FGF18: variants seen among roughly 807,000 people sequenced by gnomAD.
The protein encoded by FGF18 is fibroblast growth factor 18.
In FGF18, 5 loss-of-function variants were observed where a neutral mutation model predicts 23.0. That is an observed-to-expected ratio of 0.22 (90% CI 0.11 to 0.46). The LOEUF (loss-of-function observed/expected upper bound fraction) is 0.46. Ranked by LOEUF, FGF18 falls within the 20% of genes least tolerant of loss-of-function variation. FGF18 has a pLI of 0.99. For missense variants in FGF18, 180 were observed against 291.6 expected (o/e 0.62, Z 2.79); for synonymous variants, 117 against 118.9 (o/e 0.98, Z 0.10).
At chr5:171,445,381 T>A (rs945024801) in intron 3 of FGF18, among the ~76,000 whole-genome samples, 2 of 152,146 alleles carry the variant, frequency 1.3e-5, no homozygotes, top group African/African-American at 4.8e-5. Context: ...TGTTTTGAGA[T>A]GGAGTCTCAC....
At chr5:171,447,758 G>C (rs916567554) in intron 3 of FGF18, among the ~76,000 whole-genome samples, 6 of 152,154 alleles carry the variant, frequency 3.9e-5, no homozygotes, top group Admixed American at 2.6e-4. Flanking sequence ...GGGGCACTGA[G>C]GTATACTCTT....
chr5:171,443,572 C>T (rs1014902077), intron 3 of FGF18, among the ~76,000 whole-genome samples: 15 of 113,806 alleles, frequency 1.3e-4, no homozygotes, highest in South Asian at 1.2e-3. Context: ...AGGATGGTCT[C>T]GATTCCTGAT....
chr5:171,433,438 G>A (rs1167676567), intron 2 of FGF18, among the ~76,000 whole-genome samples: 1 of 152,164 alleles, frequency 6.6e-6, no homozygotes, highest in African/African-American at 2.4e-5. Context: ...CTTGGGGGAG[G>A]GGACAGGGCC....
At position 171,436,096 on chromosome 5, in the gene FGF18, C is replaced by A; in HGVS notation, c.73C>A (p.Leu25Met). 6.5e-7 allele frequency: 1 copy of A among 1,547,180 alleles called. No homozygotes were observed. The highest frequency in any genetic ancestry group is 8.8e-7 in the Non-Finnish European group (1 of 1,140,460). ...FLLLCFQVQV[L>M]VAEENVDFRI... ...CTGTGTCCTTTTCCCTGCCCAGGTG[C>A]TGGTTGCCGAGGAGAACGTGGACTT... The change falls in exon 3 of 5, where the codon CTG (leucine) becomes ATG (methionine). Residue 25 changes from leucine to methionine, a missense_variant. Around this residue, in one of 3 missense-constraint regions of FGF18, gnomAD observed 57 missense variants for 59.8 expected, o/e 0.95. Transcript: ENST00000274625. The surrounding 1 kb of genome is among the most constrained non-coding windows in gnomAD (Gnocchi z 4.4).
At chr5:171,443,329 C>T (rs1222426893) in intron 3 of FGF18, among the ~76,000 whole-genome samples, 2 of 152,030 alleles carry the variant, frequency 1.3e-5, no homozygotes, top group Non-Finnish European at 2.9e-5. Flanking sequence ...CAGGGTTTCA[C>T]CACGTCGGTC....
intron 3 of FGF18, among the ~76,000 whole-genome samples, chr5:171,439,883 CTGTT>C (rs987913394): frequency 1.3e-5 from 2 of 152,016 alleles, no homozygotes; most frequent in Middle Eastern, 3.2e-3. Flanking sequence ...AAAGATTTCT[CTGTT>C]TGAGAAAAAA....
chr5:171,441,095 G>T (rs557784016), intron 3 of FGF18, among the ~76,000 whole-genome samples: 1 of 152,176 alleles, frequency 6.6e-6, no homozygotes. Flanking sequence ...AGGAAGGTCG[G>T]GGCTTCAGGG....
intron 2 of FGF18, among the ~76,000 whole-genome samples, chr5:171,428,487 G>A (rs186482812): frequency 2.0e-5 from 3 of 152,334 alleles, no homozygotes; most frequent in Admixed American, 2.0e-4. Flanking sequence ...CGTAGACCTT[G>A]AAATAAGAGC....
intron 2 of FGF18, among the ~76,000 whole-genome samples, chr5:171,430,157 GAC>G (rs1458099966): frequency 1.3e-5 from 2 of 152,008 alleles, no homozygotes; most frequent in East Asian, 3.9e-4. Context: ...AGGAGTTCAA[GAC>G]CAGCCTGGCC....
intron 2 of FGF18, among the ~76,000 whole-genome samples, chr5:171,427,192 G>A (rs934013890): frequency 1.0e-4 from 15 of 149,370 alleles, no homozygotes; most frequent in East Asian, 3.9e-4. Flanking sequence ...GGGCAAGAGC[G>A]ACGCTCCATC....
In FGF18 at chr5:171,434,137, T is replaced by C. The variant is rs1772215461; in HGVS notation, c.70-1956T>C. On this transcript the variant is annotated intron_variant, in intron 2 of 4. Coordinates refer to ENST00000274625, the MANE Select transcript of FGF18 (RefSeq NM_003862.3). This position sits in a 1 kb window ranked among gnomAD's most constrained non-coding sequence, Gnocchi z 4.6. Reference sequence around the variant, plus strand: ...GGGCAGGCAGGGCCCCGCAAGGCAGTGGCCTGGGGCTGCCCGCAGGGGTGG... The same window carrying C: ...GGGCAGGCAGGGCCCCGCAAGGCAGCGGCCTGGGGCTGCCCGCAGGGGTGG... Among the ~76,000 whole-genome samples the C allele has an allele frequency of 6.6e-6, 1 of 152,158 alleles. No homozygotes were observed. Among genetic ancestry groups the C allele is most frequent in the African/African-American group, 2.4e-5 (1 of 41,448 alleles).
intron 2 of FGF18, among the ~76,000 whole-genome samples, chr5:171,430,097 G>A (rs1260094642): frequency 3.9e-5 from 6 of 152,172 alleles, no homozygotes; most frequent in Non-Finnish European, 7.3e-5. Context: ...GGTGGCTCAC[G>A]CCTGTAATCC....
At chr5:171,424,909 G>A (rs958491887) in intron 2 of FGF18, among the ~76,000 whole-genome samples, 1 of 152,214 alleles carries the variant, frequency 6.6e-6, no homozygotes, top group Admixed American at 6.5e-5. Context: ...AAGCTTGGGA[G>A]TGTCACCCGC....
In FGF18 at chr5:171,436,113, C is replaced by A; in HGVS notation, c.90C>A (p.Asn30Lys). 6.4e-7 allele frequency: 1 copy of A among 1,564,764 alleles called. No individual in the cohort carries two copies. Among genetic ancestry groups the A allele is most frequent in the Non-Finnish European group, 8.7e-7 (1 of 1,149,868 alleles). ...CCCAGGTGCTGGTTGCCGAGGAGAA[C>A]GTGGACTTCCGCATCCACGTGGAGA... ...FQVQVLVAEE[N>K]VDFRIHVENQ... The change falls in exon 3 of 5, where the codon AAC becomes AAA. Residue 30 changes from asparagine (N) to lysine (K), a missense_variant. This residue lies in a region of FGF18 where 57 missense variants were observed against 59.8 expected (regional missense o/e 0.95). Transcript: ENST00000274625. This position sits in a 1 kb window ranked among gnomAD's most constrained non-coding sequence, Gnocchi z 4.4.
intron 4 of FGF18, among the ~76,000 whole-genome samples, 191 bp downstream of exon 4, chr5:171,449,444 CTG>C (rs764539070): frequency 1.4e-5 from 2 of 138,410 alleles, no homozygotes; most frequent in Non-Finnish European, 3.1e-5. Flanking sequence ...GAGAGAGAGA[CTG>C]TAATCTCTTC....
intron 3 of FGF18, among the ~76,000 whole-genome samples, chr5:171,448,098 A>T (rs1346165988): frequency 2.0e-5 from 3 of 152,220 alleles, no homozygotes; most frequent in Non-Finnish European, 4.4e-5. Context: ...TGGACACAGC[A>T]TACCTAATCA....
At chr5:171,430,794 CAAAAAAAAAAAAAA>C (rs566577499) in intron 2 of FGF18, among the ~76,000 whole-genome samples, 4 of 53,826 alleles carry the variant, frequency 7.4e-5, no homozygotes, top group Non-Finnish European at 1.1e-4. Context: ...GACTCCGTCT[CAAAAAAAAAAAAAA>C]AAAAAAAAGA....
chr5:171,422,220 AC>A (rs1242422866), intron 2 of FGF18, among the ~76,000 whole-genome samples: 2 of 151,546 alleles, frequency 1.3e-5, no homozygotes, highest in African/African-American at 4.9e-5. Context: ...TCTGCATCCC[AC>A]CTCCACCTCC....
At chr5:171,435,691 A>AT (rs1433750234) in intron 2 of FGF18, among the ~76,000 whole-genome samples, 1 of 151,928 alleles carries the variant, frequency 6.6e-6, no homozygotes, top group Non-Finnish European at 1.5e-5. Context: ...CTCCACGTGG[A>AT]TTGGAGTACT....
Sources: gnomAD v4.1 joint callset for allele counts (sites outside exome capture counted in the v4.1 genomes callset) on GRCh38, gnomAD v4.1.1 for gene constraint, gnomAD v4.1.1 regional missense constraint, Gnocchi (gnomAD v3.1) non-coding constraint, MANE v1.5 for transcripts, NCBI Gene and HGNC (gene_info 2026-07-23, HGNC 2026-07-21) for gene names.